EYS: variants seen among roughly 807,000 people sequenced by gnomAD.
The protein encoded by EYS is EGF-like photoreceptor maintenance factor.
A neutral mutation model predicts 282.1 loss-of-function variants in EYS; 250 were observed. That is an observed-to-expected ratio of 0.89 (90% CI 0.80 to 0.98). The LOEUF is 0.98. EYS is among the 50% of genes least tolerant of loss of function. The pLI is 0.00. For missense variants in EYS, 4,016 were observed against 3,709.0 expected, an observed-to-expected ratio of 1.08 and a Z score of -2.15; for synonymous variants, 1,355 against 1,282.9, an observed-to-expected ratio of 1.06 and a Z score of -1.20.
chr6:65,062,403 T>C (rs1451965276), intron 12 of EYS, among the ~76,000 whole-genome samples: 1 of 151,992 alleles, frequency 6.6e-6, no homozygotes, highest in Non-Finnish European at 1.5e-5. Flanking sequence ...ATTACCAATA[T>C]CTAGTCTAAG....
intron 28 of EYS, among the ~76,000 whole-genome samples, chr6:64,430,916 T>A (rs556710246): frequency 6.6e-6 from 1 of 152,104 alleles, no homozygotes; most frequent in African/African-American, 2.4e-5. Context: ...GTTAAATAAA[T>A]GAACTTTTCA....
intron 30 of EYS, among the ~76,000 whole-genome samples, chr6:64,269,816 T>A (rs1161855375): frequency 6.6e-6 from 1 of 152,052 alleles, no homozygotes; most frequent in Non-Finnish European, 1.5e-5. Context: ...TACTGCTAAC[T>A]CTTTAATACA....
chr6:64,052,546 A>C (rs1475008766), intron 33 of EYS, among the ~76,000 whole-genome samples: 1 of 152,174 alleles, frequency 6.6e-6, no homozygotes, highest in African/African-American at 2.4e-5. Flanking sequence ...TAAGATGAAA[A>C]AAATATTTTC....
chr6:63,863,638 TTTTTC>T lies in EYS; in HGVS notation c.7228+543_7228+547del, dbSNP rs144436872. On this transcript the variant is annotated intron_variant, in intron 36 of 42. Transcript: ENST00000503581. Reference sequence around the variant, plus strand: ...AACCTCAGGGAAAACTCATTACCACTTTTTCTTTTCTTTTCTTTTCTTTTCTTTTC... The same window carrying T: ...AACCTCAGGGAAAACTCATTACCACTTTTTCTTTTCTTTTCTTTTCTTTTC... Among the ~76,000 whole-genome samples, 84 of 123,760 alleles carry T rather than the reference TTTTTC, an allele frequency of 6.8e-4. 1 individual carries two copies. The highest frequency in any genetic ancestry group is 2.5e-3 in the African/African-American group (78 of 31,728). The allele number at this position is 123,760 out of a possible 152,430, so 81.2% of individuals were successfully genotyped here. A position where few individuals can be genotyped will look rare whatever the true frequency, so the allele number is the denominator to read the frequency against.
intron 26 of EYS, among the ~76,000 whole-genome samples, chr6:64,557,217 TACACACACAC>T (rs3994994): frequency 0.1 from 14,846 of 147,838 alleles, 866 homozygotes; most frequent in East Asian, 0.17. Context: ...CACACACACA[TACACACACAC>T]ACACACACAC....
At chr6:65,597,319 G>A (rs1366877458) in intron 2 of EYS, among the ~76,000 whole-genome samples, 2 of 151,846 alleles carry the variant, frequency 1.3e-5, no homozygotes, top group Admixed American at 6.6e-5. Context: ...AATTAGCCTC[G>A]CCCAGAGTAA....
intron 22 of EYS, among the ~76,000 whole-genome samples, chr6:64,804,153 G>A (rs950365272): frequency 6.6e-6 from 1 of 152,134 alleles, no homozygotes; most frequent in African/African-American, 2.4e-5. Flanking sequence ...CAATAAAATT[G>A]TTATTTATTA....
At chr6:64,131,083 G>A (rs1209581001) in intron 31 of EYS, among the ~76,000 whole-genome samples, 1 of 146,412 alleles carries the variant, frequency 6.8e-6, no homozygotes, top group Non-Finnish European at 1.5e-5. Context: ...GGTCAGGCTG[G>A]TCTTGAACTC....
intron 26 of EYS, among the ~76,000 whole-genome samples, chr6:64,472,628 A>C (rs1776152649): frequency 2.0e-5 from 3 of 152,198 alleles, no homozygotes; most frequent in Admixed American, 6.5e-5. Context: ...CACATATAAA[A>C]TTTAGAAAAA....
At chr6:65,427,030 A>C (rs1450554658) in intron 5 of EYS, among the ~76,000 whole-genome samples, 1 of 152,008 alleles carries the variant, frequency 6.6e-6, no homozygotes, top group Non-Finnish European at 1.5e-5. Context: ...TTTTAAGGAA[A>C]TATTTCCCAT....
chr6:65,011,886 G>A (rs368637987), intron 13 of EYS, among the ~76,000 whole-genome samples: 17 of 152,136 alleles, frequency 1.1e-4, no homozygotes, highest in Non-Finnish European at 2.5e-4. Flanking sequence ...CCAGGCATTC[G>A]AGCTGGCAAT....
At chr6:64,964,114 AAC>A (rs1554221976) in intron 14 of EYS, among the ~76,000 whole-genome samples, 1 of 151,952 alleles carries the variant, frequency 6.6e-6, no homozygotes, top group Non-Finnish European at 1.5e-5. Context: ...ATTTTTAATA[AAC>A]ACACACTTCT....
intron 22 of EYS, among the ~76,000 whole-genome samples, chr6:64,748,993 G>A (rs917856132): frequency 1.2e-4 from 19 of 152,064 alleles, no homozygotes; most frequent in Non-Finnish European, 2.2e-4. Flanking sequence ...GGCTGGTCTC[G>A]AACTCCTGAC....
intron 5 of EYS, among the ~76,000 whole-genome samples, chr6:65,484,205 G>A (rs1765707299): frequency 2.6e-5 from 4 of 151,606 alleles, no homozygotes; most frequent in African/African-American, 9.7e-5. Flanking sequence ...GCTCAAGATA[G>A]CACCAGTTTA....
intron 33 of EYS, among the ~76,000 whole-genome samples, chr6:64,030,860 C>T (rs554792204): frequency 6.6e-6 from 1 of 152,348 alleles, no homozygotes. Context: ...TTTCCCTGGC[C>T]TAGAGACCTC....
intron 26 of EYS, among the ~76,000 whole-genome samples, chr6:64,507,795 G>C (rs1311291856): frequency 6.6e-6 from 1 of 152,150 alleles, no homozygotes; most frequent in African/African-American, 2.4e-5. Context: ...AATTCTCTTA[G>C]GGTTTGGCTT....
intron 11 of EYS, chr6:65,329,603 T>C: frequency 1.0e-6 from 1 of 981,210 alleles, no homozygotes. Context: ...TATACCCACA[T>C]AAAACTTTTA....
chr6:64,060,769 C>G (rs1424362261), intron 33 of EYS, among the ~76,000 whole-genome samples: 2 of 152,008 alleles, frequency 1.3e-5, no homozygotes, highest in Non-Finnish European at 2.9e-5. Context: ...GTTTTCTGAA[C>G]CAAATATTAT....
intron 19 of EYS, among the ~76,000 whole-genome samples, chr6:64,883,454 T>G (rs1766987228): frequency 1.3e-5 from 2 of 151,310 alleles, no homozygotes; most frequent in Non-Finnish European, 3.0e-5. Flanking sequence ...ATATAAATAT[T>G]AATATAGATA....
Sources: gnomAD v4.1 joint callset for allele counts (sites outside exome capture counted in the v4.1 genomes callset) on GRCh38, gnomAD v4.1.1 for gene constraint, MANE v1.5 for transcripts, NCBI Gene and HGNC (gene_info 2026-07-23, HGNC 2026-07-21) for gene names.